ADGRB3: variants seen among roughly 807,000 people sequenced by gnomAD.
ADGRB3 encodes the protein brain-specific angiogenesis inhibitor 3.
ADGRB3 carries 37 observed loss-of-function variants against 193.4 expected under a neutral mutation model. The ratio of observed to expected loss-of-function variants is 0.19; its 90% CI spans 0.15 to 0.25. The LOEUF (loss-of-function observed/expected upper bound fraction) is 0.25. Among genes scored for constraint, ADGRB3 ranks in the 10% least tolerant of loss-of-function variants. The pLI is 1.00. For missense variants in ADGRB3, 1,637 were observed against 1,852.9 expected, an observed-to-expected ratio of 0.88 and a Z score of 2.14; for synonymous variants, 690 against 644.2, an observed-to-expected ratio of 1.07 and a Z score of -1.08.
At chr6:69,100,856 A>AGGAAGGAAGGAAGAAGCGAGGGAG (rs1773017832) in intron 17 of ADGRB3, among the ~76,000 whole-genome samples, 1 of 24,704 alleles carries the variant, frequency 4.0e-5, no homozygotes, top group Non-Finnish European at 1.1e-4. Context: ...GAGGGAGGGA[A>AGGAAGGAAGGAAGAAGCGAGGGAG]GGAAGGAAGG....
chr6:69,330,401 C>A, intron 22 of ADGRB3, 105 bp from the exon 23 acceptor site: 2 of 780,660 alleles, frequency 2.6e-6, no homozygotes, highest in South Asian at 3.2e-5. Context: ...TAACATGTGC[C>A]AAAATTCCAA....
At chr6:68,692,025 C>T (rs1452597268) in intron 3 of ADGRB3, among the ~76,000 whole-genome samples, 1 of 151,672 alleles carries the variant, frequency 6.6e-6, no homozygotes, top group South Asian at 2.1e-4. Flanking sequence ...AAAAGAATGG[C>T]CATGTGTACA....
chr6:68,997,090 CTT>C (rs778483906), intron 11 of ADGRB3, among the ~76,000 whole-genome samples: 3 of 152,076 alleles, frequency 2.0e-5, no homozygotes, highest in Non-Finnish European at 4.4e-5. Flanking sequence ...CAATTAAAAA[CTT>C]GATTGGATAT....
chr6:69,354,351 T>C (rs767920622), intron 27 of ADGRB3, 23 bp downstream of exon 27: 12 of 1,553,800 alleles, frequency 7.7e-6, no homozygotes, highest in Non-Finnish European at 8.9e-6. Context: ...TTTTCCCCGA[T>C]TGTTAATTAA....
intron 17 of ADGRB3, among the ~76,000 whole-genome samples, chr6:69,182,284 G>A (rs1296778904): frequency 6.6e-6 from 1 of 151,806 alleles, no homozygotes; most frequent in Non-Finnish European, 1.5e-5. Context: ...TAATCGTAGA[G>A]TTACATAAAC....
At chr6:69,015,576 T>C (rs751514618) in intron 12 of ADGRB3, among the ~76,000 whole-genome samples, 3 of 152,018 alleles carry the variant, frequency 2.0e-5, no homozygotes, top group Non-Finnish European at 2.9e-5. Flanking sequence ...TGGAAATAGA[T>C]GCTGTTTAAA....
chr6:69,232,432 C>A, intron 17 of ADGRB3: 1 of 1,488,166 alleles, frequency 6.7e-7, no homozygotes. Context: ...TAAATGGCTA[C>A]ACCAAAGAGA....
chr6:68,637,136 T>C (rs1289508211), intron 1 of ADGRB3, among the ~76,000 whole-genome samples: 1 of 152,196 alleles, frequency 6.6e-6, no homozygotes, highest in Non-Finnish European at 1.5e-5. Context: ...TCTGATGTTA[T>C]TTTAAACTGC....
chr6:68,696,322 A>T (rs1765157314), intron 3 of ADGRB3, among the ~76,000 whole-genome samples: 1 of 151,840 alleles, frequency 6.6e-6, no homozygotes. Flanking sequence ...TAAAGATACA[A>T]AGGCCTATAT....
At chr6:69,216,019 T>C (rs1321171509) in intron 17 of ADGRB3, among the ~76,000 whole-genome samples, 2 of 152,214 alleles carry the variant, frequency 1.3e-5, no homozygotes. Context: ...TAGGAGATTA[T>C]AATCTAAATA....
chr6:68,947,459 C>A (rs1767803320), intron 6 of ADGRB3, among the ~76,000 whole-genome samples: 1 of 151,708 alleles, frequency 6.6e-6, no homozygotes, highest in African/African-American at 2.4e-5. Context: ...CTATATATAC[C>A]TGGTGGAAAC....
At chr6:68,886,747 T>G (rs1343393376) in intron 3 of ADGRB3, among the ~76,000 whole-genome samples, 1 of 152,072 alleles carries the variant, frequency 6.6e-6, no homozygotes, top group Non-Finnish European at 1.5e-5. Flanking sequence ...ACATATCCTC[T>G]CAGCTTATTT....
intron 10 of ADGRB3, among the ~76,000 whole-genome samples, chr6:68,989,853 T>C (rs368135751): frequency 1.3e-5 from 2 of 152,154 alleles, no homozygotes; most frequent in African/African-American, 2.4e-5. Flanking sequence ...ACCTCTGATA[T>C]TGATTTTGAA....
intron 3 of ADGRB3, among the ~76,000 whole-genome samples, chr6:68,756,372 C>T (rs573995114): frequency 3.3e-5 from 5 of 152,216 alleles, no homozygotes; most frequent in Non-Finnish European, 5.9e-5. Flanking sequence ...AAGTGCATAC[C>T]GTTCTTCCTT....
At chr6:69,016,325 C>G (rs955087294) in intron 12 of ADGRB3, among the ~76,000 whole-genome samples, 1 of 151,918 alleles carries the variant, frequency 6.6e-6, no homozygotes, top group African/African-American at 2.4e-5. Context: ...AAAACACATT[C>G]ATTATTTAAT....
In ADGRB3 at chr6:69,351,017, A is replaced by T. The variant is rs1769210152; in HGVS notation, c.3460-3216A>T. On this transcript the variant is annotated intron_variant, in intron 26 of 31. Transcript: ENST00000370598. ...TAAGAAATGTGCACTATGAAATCTA[A>T]TCTAATCATTCTTTCCTGACAGTGT... Among the ~76,000 whole-genome samples, 3 of 152,100 alleles carry T rather than the reference A, an allele frequency of 2.0e-5. No individual in the cohort carries two copies. The South Asian group carries it at 6.2e-4, about 32-fold the overall frequency.
At chr6:69,158,040 T>C (rs1053902397) in intron 17 of ADGRB3, among the ~76,000 whole-genome samples, 1 of 152,146 alleles carries the variant, frequency 6.6e-6, no homozygotes, top group Non-Finnish European at 1.5e-5. Flanking sequence ...CATTCATTTT[T>C]CAAAAAGTAT....
At chr6:68,739,738 G>T (rs1401098142) in intron 3 of ADGRB3, among the ~76,000 whole-genome samples, 1 of 152,058 alleles carries the variant, frequency 6.6e-6, no homozygotes, top group Admixed American at 6.6e-5. Context: ...AAATTACTGT[G>T]GTACTAAATG....
chr6:68,791,004 G>A (rs907344076), intron 3 of ADGRB3, among the ~76,000 whole-genome samples: 9 of 151,102 alleles, frequency 6.0e-5, no homozygotes, highest in Admixed American at 2.0e-4. Flanking sequence ...GCTTGAGGCC[G>A]GGAGTTTGAG....
Sources: allele counts gnomAD v4.1 joint callset (sites outside exome capture counted in the v4.1 genomes callset), GRCh38; gene constraint gnomAD v4.1.1; transcripts MANE v1.5; gene names NCBI Gene and HGNC (gene_info 2026-07-23, HGNC 2026-07-21).